Variants in MIIP observed in about 807,000 individuals in gnomAD.
MIIP encodes the protein migration and invasion-inhibitory protein.
A neutral mutation model predicts 44.8 loss-of-function variants in MIIP; 44 were observed. The ratio of observed to expected loss-of-function variants is 0.98; its 90% CI spans 0.77 to 1.26. MIIP has a LOEUF of 1.26. Among genes scored for constraint, MIIP ranks in the 50% most tolerant of loss-of-function variants. The pLI is 0.00. For synonymous variants in MIIP, 225 were observed against 218.3 expected (o/e 1.03, Z -0.27); for missense variants, 496 against 511.7 (o/e 0.97, Z 0.30).
At chr1:12,023,439 T>A (rs1001111675) in intron 4 of MIIP, among the ~76,000 whole-genome samples, 1 of 140,492 alleles carries the variant, frequency 7.1e-6, no homozygotes, top group African/African-American at 2.5e-5. Flanking sequence ...TCTCTCGCTC[T>A]GTCGCCCAGG....
At position 12,031,958 on chromosome 1, in the gene MIIP, C is replaced by T; in HGVS notation, c.*150C>T. 4 of 721,450 alleles carry T rather than the reference C, an allele frequency of 5.5e-6. No homozygotes were observed. The highest frequency in any genetic ancestry group is 9.2e-6 in the Non-Finnish European group (4 of 436,452). 44.7% of individuals were successfully genotyped at this position (721,450 alleles called of 1,614,324 possible). On this transcript the variant is annotated 3_prime_UTR_variant, in exon 10 of 10. Coordinates refer to ENST00000235332, the MANE Select transcript of MIIP (RefSeq NM_021933.4). ...TGGGTGGACCCAAGCTTGTCTGCTGCCTGAGTTCCAGAGAGGGAGGACCCT... is the reference window on the plus strand; with the variant it reads ...TGGGTGGACCCAAGCTTGTCTGCTGTCTGAGTTCCAGAGAGGGAGGACCCT...
At position 12,029,847 on chromosome 1, in the gene MIIP, G is replaced by A. The variant is rs763891053; in HGVS notation, c.798G>A (p.Pro266=). ...CCCCCTGCCGCCTGTGCAGGACACC[G>A]CGAGACCAGCAGGGCCCTGGGACCC... ...PGTPCRLCRT[P]RDQQGPGTLA... The change falls in exon 7 of 10, where the codon CCG becomes CCA. Residue 266 remains proline, a synonymous_variant. Transcript: ENST00000235332. 3.0e-5 allele frequency: 49 copies of A among 1,613,198 alleles called. No homozygotes were observed. The highest frequency in any genetic ancestry group is 3.6e-5 in the Non-Finnish European group (42 of 1,179,682).
chr1:12,020,054 T>A (rs1337998998), intron 1 of MIIP, among the ~76,000 whole-genome samples: 1 of 152,198 alleles, frequency 6.6e-6, no homozygotes, highest in East Asian at 1.9e-4. Context: ...CTGAGGATCC[T>A]TGGAGGTGGG....
Position 12,030,023 on chromosome 1 carries a change from C to T in MIIP, c.846-5C>T, listed in dbSNP as rs768389883. ...TCAGGGGTCCCCCACTGCCCCCCTG[C>T]GCAGGGTGAGCATCCCGCTGTCGAT... On this transcript the variant is annotated splice_region_variant and splice_polypyrimidine_tract_variant and intron_variant, in intron 7 of 9. Coordinates refer to ENST00000235332, the MANE Select transcript of MIIP (RefSeq NM_021933.4). The T allele has an allele frequency of 6.4e-5, 103 of 1,613,148 alleles. No homozygotes were observed. The East Asian group carries it at 8.9e-4, about 14-fold the overall frequency.
Position 12,022,405 on chromosome 1 carries a change from C to G in MIIP, c.425C>G (p.Pro142Arg), listed in dbSNP as rs753606399. The change falls in exon 3 of 10, where the codon CCG becomes CGG. Residue 142 changes from proline (P) to arginine (R), a missense_variant. Physicochemically the swap from Pro to Arg is moderately radical, Grantham distance 103. Transcript: ENST00000235332. Reference protein sequence around the residue: ...GDPGPQEAQTPRSILAQQSKL... With the variant: ...GDPGPQEAQTRRSILAQQSKL... The stretch of plus-strand genomic sequence containing the variant: ...CCAGGACCCCAGGAGGCACAGACCC[C>G]GAGGTCCATCCTGGCTCAACAGAGC... 3 of 1,598,908 alleles carry G rather than the reference C, an allele frequency of 1.9e-6. No individual in the cohort carries two copies. In the South Asian group the frequency reaches 3.3e-5, roughly 18 times the overall value.
At chr1:12,025,017 G>A (rs955450109) in intron 4 of MIIP, among the ~76,000 whole-genome samples, 1 of 144,710 alleles carries the variant, frequency 6.9e-6, no homozygotes, top group African/African-American at 2.6e-5. Context: ...CTGTGTGTCA[G>A]AATTCCCTTC....
chr1:12,023,600 A>C (rs1640037588), intron 4 of MIIP, among the ~76,000 whole-genome samples: 1 of 149,224 alleles, frequency 6.7e-6, no homozygotes, highest in African/African-American at 2.5e-5. Flanking sequence ...TTTTTAGTAG[A>C]GACGGGATTT....
At position 12,022,447 on chromosome 1, in the gene MIIP, C is replaced by G; in HGVS notation, c.462+5C>G. 1 of 1,520,750 alleles carries G rather than the reference C, an allele frequency of 6.6e-7. No homozygotes were observed. Among genetic ancestry groups the G allele is most frequent in the Non-Finnish European group, 8.8e-7 (1 of 1,134,306 alleles). The allele number at this position is 1,520,750 out of a possible 1,614,324, so 94.2% of individuals were successfully genotyped here. A position where few individuals can be genotyped will look rare whatever the true frequency, so the allele number is the denominator to read the frequency against. On this transcript the variant is annotated splice_donor_5th_base_variant and intron_variant, in intron 3 of 9. Transcript: ENST00000235332. ...CAACAGAGCAAGCTGTCCAAGGTAA[C>G]GTGGGAGAGCGGGACATCTGCTGAT... is the stretch of plus-strand genomic sequence containing the variant.
intron 7 of MIIP, 54 bp downstream of exon 7, chr1:12,029,948 T>A: frequency 6.2e-7 from 1 of 1,609,078 alleles, no homozygotes; most frequent in Non-Finnish European, 8.5e-7. Context: ...AACCACTGGT[T>A]TTAAGAAAAG....
At chr1:12,031,243 T>G in intron 8 of MIIP, 23 bp from the exon 9 acceptor site, 1 of 1,608,958 alleles carries the variant, frequency 6.2e-7, no homozygotes, top group South Asian at 1.1e-5. Flanking sequence ...GGTCAGGCAC[T>G]TTTAACTCCT....
At position 12,029,794 on chromosome 1, in the gene MIIP, C is replaced by T. The variant is rs2295290; in HGVS notation, c.745C>T (p.Leu249=). The stretch of plus-strand genomic sequence containing the variant: ...GTACTGTTACCGTGTCAACCGGCGC[C>T]TGTTCCCGGTGCCTGTGGATCCCGG... The part of the protein sequence containing the change: ...CVYCYRVNRR[L]FPVPVDPGTP... Residue 249 remains leucine, a synonymous_variant, in exon 7 of 10, where the codon CTG becomes TTG. Transcript: ENST00000235332. 2,091 of 1,613,268 alleles carry T rather than the reference C, an allele frequency of 1.3e-3. 46 individuals are homozygous for T. The East Asian group carries it at 0.036, about 28-fold the overall frequency.
intron 2 of MIIP, 39 bp from the exon 3 acceptor site, chr1:12,022,056 T>C (rs201801763): frequency 7.2e-5 from 114 of 1,593,618 alleles, no homozygotes; most frequent in Admixed American, 1.7e-4. Context: ...GGGTAGGTTC[T>C]GGCAGCCACT....
intron 4 of MIIP, among the ~76,000 whole-genome samples, chr1:12,025,304 C>G (rs1640084238): frequency 6.6e-6 from 1 of 152,040 alleles, no homozygotes; most frequent in Non-Finnish European, 1.5e-5. Flanking sequence ...AAGTGATTCT[C>G]CTGCCTCGGC....
chr1:12,021,782 G>A lies in MIIP; in HGVS notation c.56G>A (p.Arg19Lys). The A allele has an allele frequency of 6.2e-7, 1 of 1,613,048 alleles. No individual in the cohort carries two copies. ...CGGCTGCTCAATCTGGAGCTCCTGA[G>A]GCAGCTGTGGGTGGGGCAGGATGCT... ...QLRLLNLELL[R>K]QLWVGQDAVR... The change falls in exon 2 of 10, where the codon AGG (arginine) becomes AAG (lysine). Residue 19 changes from arginine to lysine, a missense_variant. By Grantham distance (26) the Arg-to-Lys change is conservative. Coordinates refer to ENST00000235332, the MANE Select transcript of MIIP (RefSeq NM_021933.4).
chr1:12,023,221 G>A lies in MIIP; in HGVS notation c.547+304G>A, dbSNP rs539288650. 2.0e-5 allele frequency among the ~76,000 whole-genome samples: 3 copies of A among 150,716 alleles called. 1 individual carries two copies. The highest frequency in any genetic ancestry group is 7.3e-5 in the African/African-American group (3 of 41,062). ...TGGGATTACAGGCGAGCACCACCAC[G>A]CCCGGCTAATTTTTGTATTTTAAGT... On this transcript the variant is annotated intron_variant, in intron 4 of 9. Transcript: ENST00000235332.
chr1:12,026,894 C>T (rs956298145), intron 4 of MIIP, among the ~76,000 whole-genome samples: 1 of 152,186 alleles, frequency 6.6e-6, no homozygotes, highest in African/African-American at 2.4e-5. Context: ...ACCTTTAGCC[C>T]ACATTTGCTT....
Position 12,031,928 on chromosome 1 carries a change from G to A in MIIP, c.*120G>A. ...CTCAGGCCCAGCTGTCCTAGGTTGGGCAGGTGGGTGGACCCAAGCTTGTCT... is the reference window on the plus strand; with the variant it reads ...CTCAGGCCCAGCTGTCCTAGGTTGGACAGGTGGGTGGACCCAAGCTTGTCT... On this transcript the variant is annotated 3_prime_UTR_variant, in exon 10 of 10. Coordinates refer to ENST00000235332, the MANE Select transcript of MIIP (RefSeq NM_021933.4). 2.0e-6 allele frequency: 2 copies of A among 1,010,786 alleles called. No individual in the cohort carries two copies. The highest frequency in any genetic ancestry group is 2.9e-6 in the Non-Finnish European group (2 of 684,098). 62.6% of individuals were successfully genotyped at this position (1,010,786 alleles called of 1,614,324 possible).
chr1:12,031,829 ACAGCATTCCCGCCGCCTC>A lies in MIIP; in HGVS notation c.*26_*43del. 1 of 1,608,548 alleles carries A rather than the reference ACAGCATTCCCGCCGCCTC, an allele frequency of 6.2e-7. No individual in the cohort carries two copies. The highest frequency in any genetic ancestry group is 8.5e-7 in the Non-Finnish European group (1 of 1,175,698). On this transcript the variant is annotated 3_prime_UTR_variant, in exon 10 of 10. Transcript: ENST00000235332. ...CCTGAGGACTGACTCCTGGGGGAGA[ACAGCATTCCCGCCGCCTC>A]CAGCCTCTCCCCTCTGGCAGGCGCA... is the stretch of plus-strand genomic sequence containing the variant.
At chr1:12,025,040 G>GTTGTTGTTTT (rs1640074475) in intron 4 of MIIP, among the ~76,000 whole-genome samples, 7 of 138,848 alleles carry the variant, frequency 5.0e-5, no homozygotes, top group South Asian at 2.2e-4. Context: ...TTTTTTTTTT[G>GTTGTTGTTTT]TTTTTTGTTT....
Sources: allele counts gnomAD v4.1 joint callset (sites outside exome capture counted in the v4.1 genomes callset), GRCh38; gene constraint gnomAD v4.1.1; transcripts MANE v1.5; gene names NCBI Gene and HGNC (gene_info 2026-07-23, HGNC 2026-07-21).